Variants in AK5 observed in about 807,000 individuals in gnomAD.
The protein encoded by AK5 is adenylate kinase 5.
AK5 carries 27 observed loss-of-function variants against 69.5 expected under a neutral mutation model. The observed-to-expected ratio is 0.39, with a 90% CI of 0.29 to 0.54. AK5 has a LOEUF of 0.54. Among genes scored for constraint, AK5 ranks in the 20% least tolerant of loss-of-function variants. The probability of loss-of-function intolerance (pLI) is 0.71; values close to 1 mark genes in which losing one functional copy is unlikely to be tolerated. For synonymous variants in AK5, 260 were observed against 244.4 expected, an observed-to-expected ratio of 1.06 and a Z score of -0.60; for missense variants, 531 against 700.4, an observed-to-expected ratio of 0.76 and a Z score of 2.73.
chr1:77,473,531 A>T (rs952130468), intron 8 of AK5, among the ~76,000 whole-genome samples: 1 of 152,232 alleles, frequency 6.6e-6, no homozygotes, highest in African/African-American at 2.4e-5. Context: ...AGCTACGGAC[A>T]TTAAACATTT....
At chr1:77,503,113 C>A (rs1656821815) in intron 10 of AK5, among the ~76,000 whole-genome samples, 3 of 152,174 alleles carry the variant, frequency 2.0e-5, no homozygotes, top group Admixed American at 2.0e-4. Context: ...GTCCTAGGCT[C>A]TATATCTAGT....
chr1:77,470,105 T>A (rs537983754), intron 8 of AK5, among the ~76,000 whole-genome samples: 26 of 152,358 alleles, frequency 1.7e-4, no homozygotes, highest in Non-Finnish European at 2.9e-4. Context: ...CTTAATTTTC[T>A]CACTTACAAA....
chr1:77,437,281 CTT>C (rs1435465246), intron 8 of AK5, among the ~76,000 whole-genome samples: 1 of 152,138 alleles, frequency 6.6e-6, no homozygotes, highest in Non-Finnish European at 1.5e-5. Flanking sequence ...TTAATTAGCT[CTT>C]TGATATATTT....
chr1:77,559,489 A>G lies in AK5; in HGVS notation c.*819A>G, dbSNP rs1429758869. The stretch of plus-strand genomic sequence containing the variant: ...AACTTAAAAGCATGAGATATTTGCT[A>G]TTTCATTCATTGGGCACATATCAAA... On this transcript the variant is annotated 3_prime_UTR_variant, in exon 14 of 14. Transcript: ENST00000354567. 1 of 152,110 alleles carries G rather than the reference A, an allele frequency of 6.6e-6. No individual in the cohort carries two copies. The highest frequency in any genetic ancestry group is 1.5e-5 in the Non-Finnish European group (1 of 67,994). 9.4% of individuals were successfully genotyped at this position (152,110 alleles called of 1,614,324 possible). A position where few individuals can be genotyped will look rare whatever the true frequency, so the allele number is the denominator to read the frequency against.
intron 10 of AK5, among the ~76,000 whole-genome samples, chr1:77,504,520 TG>T (rs1656920462): frequency 6.6e-6 from 1 of 152,170 alleles, no homozygotes; most frequent in Admixed American, 6.5e-5. Flanking sequence ...CAAAACCTCA[TG>T]GGCATCTTTC....
chr1:77,294,579 A>C (rs1160351971), intron 3 of AK5, among the ~76,000 whole-genome samples: 1 of 152,180 alleles, frequency 6.6e-6, no homozygotes, highest in African/African-American at 2.4e-5. Flanking sequence ...ATAAATCCAA[A>C]GTTTCACTGT....
At chr1:77,497,852 G>A (rs756986070) in intron 10 of AK5, among the ~76,000 whole-genome samples, 6 of 152,166 alleles carry the variant, frequency 3.9e-5, no homozygotes, top group Non-Finnish European at 8.8e-5. Flanking sequence ...AAAGCACTGG[G>A]ATTACAGGCA....
At chr1:77,499,869 CATTTTTTTTTTT>C (rs1228057188) in intron 10 of AK5, among the ~76,000 whole-genome samples, 38 of 78,776 alleles carry the variant, frequency 4.8e-4, no homozygotes, top group Admixed American at 2.2e-3. Context: ...GCCCTTTTTC[CATTTTTTTTTTT>C]TTTTTTTTTT....
intron 8 of AK5, among the ~76,000 whole-genome samples, chr1:77,426,303 G>A (rs79370867): frequency 3.1e-4 from 47 of 152,222 alleles, no homozygotes; most frequent in East Asian, 2.1e-3. Flanking sequence ...CCACGCTAAC[G>A]CTAATCAAAA....
chr1:77,501,412 G>A (rs1656710725), intron 10 of AK5, among the ~76,000 whole-genome samples: 1 of 152,200 alleles, frequency 6.6e-6, no homozygotes, highest in Non-Finnish European at 1.5e-5. Context: ...TCCTTGTTAT[G>A]AGAGCATCCT....
chr1:77,295,040 G>A (rs528424484), intron 3 of AK5, among the ~76,000 whole-genome samples: 4 of 152,216 alleles, frequency 2.6e-5, no homozygotes, highest in South Asian at 2.1e-4. Context: ...AAAAATTGTG[G>A]CTATTTTTGC....
At chr1:77,363,217 T>C (rs867814274) in intron 6 of AK5, among the ~76,000 whole-genome samples, 1 of 152,176 alleles carries the variant, frequency 6.6e-6, no homozygotes, top group Non-Finnish European at 1.5e-5. Flanking sequence ...TTTCTGTTGG[T>C]GGCACCTCTA....
rs781687353 is a variant in AK5, at chr1:77,282,321, C to T, written c.8C>T (p.Thr3Ile). The T allele has an allele frequency of 1.3e-5, 20 of 1,561,592 alleles. No individual in the cohort carries two copies. The highest frequency in any genetic ancestry group is 1.7e-4 in the Middle Eastern group (1 of 6,002). MN[T>I]NDAKEYLARR... ...GGCACGCGCGGCACAGCCATGAACA[C>T]CAACGATGCCAAGGAGTATCTGGCC... The change falls in exon 1 of 14, where the codon ACC becomes ATC. Residue 3 changes from threonine (T) to isoleucine (I), a missense_variant. Thr to Ile is a moderately conservative substitution (Grantham distance 89). Coordinates refer to ENST00000354567, the MANE Select transcript of AK5 (RefSeq NM_174858.3).
At chr1:77,517,071 A>T (rs1657693371) in intron 10 of AK5, among the ~76,000 whole-genome samples, 1 of 149,572 alleles carries the variant, frequency 6.7e-6, no homozygotes, top group Non-Finnish European at 1.5e-5. Flanking sequence ...ACCATCTCAA[A>T]AAAAAAAAAA....
At chr1:77,528,119 G>A (rs1658388334) in intron 12 of AK5, among the ~76,000 whole-genome samples, 1 of 152,164 alleles carries the variant, frequency 6.6e-6, no homozygotes, top group South Asian at 2.1e-4. Context: ...AACACAGAAT[G>A]AGCTACTGTT....
chr1:77,368,239 A>ATG (rs376347640), intron 6 of AK5, among the ~76,000 whole-genome samples: 1 of 16,208 alleles, frequency 6.2e-5, no homozygotes, highest in African/African-American at 2.0e-4. Flanking sequence ...ATATATATAT[A>ATG]TATATATATA....
intron 12 of AK5, among the ~76,000 whole-genome samples, chr1:77,523,674 A>ATT (rs1246055152): frequency 1.3e-5 from 2 of 151,866 alleles, no homozygotes; most frequent in Non-Finnish European, 2.9e-5. Flanking sequence ...TATTTATTTT[A>ATT]TTTATTTTTA....
chr1:77,437,825 G>T (rs1056534959), intron 8 of AK5, among the ~76,000 whole-genome samples: 1 of 151,964 alleles, frequency 6.6e-6, no homozygotes, highest in Non-Finnish European at 1.5e-5. Flanking sequence ...CTCACATACA[G>T]CAGACAAAGC....
chr1:77,452,620 C>T (rs1002317226), intron 8 of AK5, among the ~76,000 whole-genome samples: 21 of 152,156 alleles, frequency 1.4e-4, no homozygotes, highest in Admixed American at 3.3e-4. Flanking sequence ...CTAGATTAAA[C>T]GGTGCCACAA....
Sources: gnomAD v4.1 joint callset for allele counts (sites outside exome capture counted in the v4.1 genomes callset) on GRCh38, gnomAD v4.1.1 for gene constraint, MANE v1.5 for transcripts, NCBI Gene and HGNC (gene_info 2026-07-23, HGNC 2026-07-21) for gene names.